Variants in PPM1E observed in about 807,000 individuals in gnomAD.
The protein encoded by PPM1E is protein phosphatase 1E.
PPM1E carries 20 observed loss-of-function variants against 65.9 expected under a neutral mutation model. That is an observed-to-expected ratio of 0.30 (90% CI 0.21 to 0.44). The LOEUF (loss-of-function observed/expected upper bound fraction) is 0.44, where lower values mean the gene tolerates loss of function less well. Ranked by LOEUF, PPM1E falls within the 20% of genes least tolerant of loss-of-function variation. The pLI is 1.00. For missense variants in PPM1E, 713 were observed against 953.1 expected (o/e 0.75, Z 3.32); for synonymous variants, 352 against 374.9 (o/e 0.94, Z 0.70).
At chr17:58,823,738 A>T (rs552336872) in intron 1 of PPM1E, among the ~76,000 whole-genome samples, 15 of 152,056 alleles carry the variant, frequency 9.9e-5, no homozygotes, top group South Asian at 8.3e-4. Context: ...TTATTTATTT[A>T]TTTATTTTTT....
At chr17:58,812,379 A>G (rs1256519088) in intron 1 of PPM1E, among the ~76,000 whole-genome samples, 1 of 151,578 alleles carries the variant, frequency 6.6e-6, no homozygotes, top group Non-Finnish European at 1.5e-5. Flanking sequence ...AATAGAATCC[A>G]TAGCAGGAGA....
At chr17:58,875,458 T>C (rs1223743651) in intron 1 of PPM1E, among the ~76,000 whole-genome samples, 1 of 152,190 alleles carries the variant, frequency 6.6e-6, no homozygotes, top group Non-Finnish European at 1.5e-5. Context: ...ATGCTTTTTC[T>C]TTGTTTCAAA....
chr17:58,811,922 G>A lies in PPM1E; in HGVS notation c.464+55461G>A, dbSNP rs532432127. ...TTGACCTCGTGATCCATCCACCTTG[G>A]CCTCCCAAAGTGCTGGGATTACAGG... On this transcript the variant is annotated intron_variant, in intron 1 of 6. Transcript: ENST00000308249. Among the ~76,000 whole-genome samples, 163 of 152,120 alleles carry A rather than the reference G, an allele frequency of 1.1e-3. 2 individuals carry two copies. The highest frequency in any genetic ancestry group is 3.4e-4 in the Non-Finnish European group (23 of 67,992).
chr17:58,782,848 TTA>T (rs1567832097), intron 1 of PPM1E, among the ~76,000 whole-genome samples: 1 of 152,166 alleles, frequency 6.6e-6, no homozygotes, highest in Non-Finnish European at 1.5e-5. Flanking sequence ...GATTTTAGAA[TTA>T]TATTCAGAAA....
intron 1 of PPM1E, among the ~76,000 whole-genome samples, chr17:58,895,072 C>A (rs569261108): frequency 1.3e-4 from 20 of 152,190 alleles, no homozygotes; most frequent in Middle Eastern, 3.4e-3. Flanking sequence ...TCCCAAACTT[C>A]TTATTATTAT....
At chr17:58,874,480 T>A (rs2051107392) in intron 1 of PPM1E, among the ~76,000 whole-genome samples, 1 of 152,228 alleles carries the variant, frequency 6.6e-6, no homozygotes, top group African/African-American at 2.4e-5. Flanking sequence ...TTGAAGATTC[T>A]AATAGTTACA....
chr17:58,787,453 A>G (rs1326102038), intron 1 of PPM1E, among the ~76,000 whole-genome samples: 1 of 152,098 alleles, frequency 6.6e-6, no homozygotes, highest in Non-Finnish European at 1.5e-5. Context: ...TAAAAATGGA[A>G]ATCTAAAAAT....
At position 58,928,785 on chromosome 17, in the gene PPM1E, C is replaced by T. The variant is rs1231622096; in HGVS notation, c.465-26864C>T. 2.0e-5 allele frequency among the ~76,000 whole-genome samples: 3 copies of T among 151,812 alleles called. No homozygotes were observed. In the East Asian group the frequency reaches 5.8e-4, roughly 29 times the overall value. The stretch of plus-strand genomic sequence containing the variant: ...TGACGCGATCTCAGCTCACTGCAAC[C>T]TTCGCCTCCCGGGTTCAAGTGATTC... On this transcript the variant is annotated intron_variant, in intron 1 of 6. Coordinates refer to ENST00000308249, the MANE Select transcript of PPM1E (RefSeq NM_014906.5).
chr17:58,974,338 T>C (rs1198405788), intron 6 of PPM1E, among the ~76,000 whole-genome samples: 1 of 152,222 alleles, frequency 6.6e-6, no homozygotes, highest in Non-Finnish European at 1.5e-5. Flanking sequence ...AACTACTTTC[T>C]GTATGTGGAA....
intron 1 of PPM1E, among the ~76,000 whole-genome samples, chr17:58,760,526 T>G (rs2049811527): frequency 6.6e-6 from 1 of 152,190 alleles, no homozygotes; most frequent in Non-Finnish European, 1.5e-5. Flanking sequence ...CCACTGTCAT[T>G]GTCATCTCTT....
chr17:58,979,085 T>C lies in PPM1E; in HGVS notation c.1211-889T>C, dbSNP rs1425341605. On this transcript the variant is annotated intron_variant, in intron 6 of 6. Transcript: ENST00000308249. ...TTCAGGACCAGCTCAGATGTCATTC[T>C]GTGAGAGGACGAAGCTAAGCAAGAA... Among the ~76,000 whole-genome samples, 4 of 152,214 alleles carry C rather than the reference T, an allele frequency of 2.6e-5. 1 individual carries two copies. In the Middle Eastern group the frequency reaches 0.013, roughly 482 times the overall value.
intron 1 of PPM1E, among the ~76,000 whole-genome samples, chr17:58,793,009 A>G (rs1180108833): frequency 6.6e-6 from 1 of 152,016 alleles, no homozygotes; most frequent in Non-Finnish European, 1.5e-5. Flanking sequence ...TGGCCTCTCA[A>G]AGTGCTGGGA....
chr17:58,980,782 CTACTCA>C lies in PPM1E; in HGVS notation c.2020_2025del (p.Tyr674_Ser675del). On this transcript the variant is annotated inframe_deletion, in exon 7 of 7. Coordinates refer to ENST00000308249, the MANE Select transcript of PPM1E (RefSeq NM_014906.5). This position sits in a 1 kb window ranked among gnomAD's most constrained non-coding sequence, Gnocchi z 4.7. ...CTAGATTGTCTCATTTACGCCACCA[CTACTCA>C]AAGAAGTGGCACAGATTCAGGTTTA... 6.2e-7 allele frequency: 1 copy of C among 1,614,162 alleles called. No homozygotes were observed. Among genetic ancestry groups the C allele is most frequent in the South Asian group, 1.1e-5 (1 of 91,086 alleles).
rs547171903 is a variant in PPM1E at position 58,807,998 on chromosome 17, T to C, written c.464+51537T>C. On this transcript the variant is annotated intron_variant, in intron 1 of 6. Coordinates refer to ENST00000308249, the MANE Select transcript of PPM1E (RefSeq NM_014906.5). ...ATGTTTTGGTATTACCTGGTAAAAC[T>C]GAAGTTGCAAATGCCCTTTGACCAA... Among the ~76,000 whole-genome samples, 6 of 152,346 alleles carry C rather than the reference T, an allele frequency of 3.9e-5. No individual in the cohort carries two copies. The East Asian group carries it at 1.2e-3, about 29-fold the overall frequency.
At position 58,756,205 on chromosome 17, in the gene PPM1E, G is replaced by A; in HGVS notation, c.208G>A (p.Ala70Thr). Residue 70 changes from alanine (A) to threonine (T), a missense_variant, in exon 1 of 7, where the codon GCG (alanine) becomes ACG (threonine). This residue lies in a region of PPM1E where 212 missense variants were observed against 204.0 expected (regional missense o/e 1.04). Transcript: ENST00000308249. ...TTCGGTAGAGGAACCCGGGGAGGAG[G>A]CGGCCACGGTAGCCGCGACGGAGGA... The part of the protein sequence containing the change: ...EASVEEPGEE[A>T]ATVAATEEGD... 1.3e-6 allele frequency: 2 copies of A among 1,558,492 alleles called. No individual in the cohort carries two copies. The highest frequency in any genetic ancestry group is 2.4e-5 in the South Asian group (2 of 84,838).
chr17:58,812,965 A>G (rs573401284), intron 1 of PPM1E, among the ~76,000 whole-genome samples: 71 of 152,260 alleles, frequency 4.7e-4, no homozygotes, highest in African/African-American at 1.6e-3. Context: ...TCCTCCCTTC[A>G]ATCTCTGTGG....
At position 58,972,918 on chromosome 17, in the gene PPM1E, A is replaced by G. The variant is rs748763572; in HGVS notation, c.1203A>G (p.Arg401=). ...WRVNGSLSVS[R]AIGDAEHKPY... ...TGAATGGAAGTCTGTCGGTTTCCAG[A>G]GCTATTGGTAGGAAAAACAAATTTT... The change falls in exon 6 of 7, where the codon AGA becomes AGG. Residue 401 remains arginine (R), a synonymous_variant. Transcript: ENST00000308249. 5 of 1,611,922 alleles carry G rather than the reference A, an allele frequency of 3.1e-6. No homozygotes were observed. Among genetic ancestry groups the G allele is most frequent in the Non-Finnish European group, 4.2e-6 (5 of 1,178,624 alleles).
At chr17:58,805,969 A>T (rs1361316201) in intron 1 of PPM1E, among the ~76,000 whole-genome samples, 1 of 118,370 alleles carries the variant, frequency 8.4e-6, no homozygotes, top group East Asian at 2.7e-4. Flanking sequence ...AACAAAAAAA[A>T]AAAACAAAAA....
chr17:58,895,282 T>C (rs1184535763), intron 1 of PPM1E, among the ~76,000 whole-genome samples: 1 of 152,148 alleles, frequency 6.6e-6, no homozygotes, highest in Non-Finnish European at 1.5e-5. Context: ...CACAACACTA[T>C]TGAAATTAGG....
Sources: gnomAD v4.1 joint callset for allele counts (sites outside exome capture counted in the v4.1 genomes callset) on GRCh38, gnomAD v4.1.1 for gene constraint, gnomAD v4.1.1 regional missense constraint, Gnocchi (gnomAD v3.1) non-coding constraint, MANE v1.5 for transcripts, NCBI Gene and HGNC (gene_info 2026-07-23, HGNC 2026-07-21) for gene names.